Variants in OR6Y1 observed in about 807,000 individuals in gnomAD.
OR6Y1 encodes the protein olfactory receptor 6Y1.
Under a neutral mutation model 0.4 loss-of-function variants are expected in OR6Y1, and 1 was observed. That is an observed-to-expected ratio of 2.74 (90% CI 0.97 to 13.02). The LOEUF (loss-of-function observed/expected upper bound fraction) is 13.02. Among genes scored for constraint, OR6Y1 ranks in the 30% most tolerant of loss-of-function variants. OR6Y1 has a pLI of 0.12. For synonymous variants in OR6Y1, 173 were observed against 141.1 expected (o/e 1.23, Z -1.60); for missense variants, 480 against 399.8 (o/e 1.20, Z -1.71).
chr1:158,544,783 G>A lies in OR6Y1; in HGVS notation c.*2345C>T, dbSNP rs191620425. The A allele has an allele frequency of 1.3e-5, 2 of 152,198 alleles. No homozygotes were observed. Among genetic ancestry groups the A allele is most frequent in the Non-Finnish European group, 2.9e-5 (2 of 68,016 alleles). The allele number at this position is 152,198 out of a possible 1,614,324, so 9.4% of individuals were successfully genotyped here. A position where few individuals can be genotyped will look rare whatever the true frequency, so the allele number is the denominator to read the frequency against. On this transcript the variant is annotated 3_prime_UTR_variant, in exon 2 of 2. Transcript: ENST00000641622. ...CTCCTACTTACAAGTGAGAATATGT[G>A]GTATTTGGTTTTCTGTTCTTGCATT...
chr1:158,548,355 T>C lies in OR6Y1; in HGVS notation c.-250A>G. The C allele has an allele frequency of 4.8e-6, 2 of 417,974 alleles. No individual in the cohort carries two copies. The highest frequency in any genetic ancestry group is 8.5e-6 in the Non-Finnish European group (2 of 235,338). 25.9% of individuals were successfully genotyped at this position (417,974 alleles called of 1,614,324 possible). A position where few individuals can be genotyped will look rare whatever the true frequency, so the allele number is the denominator to read the frequency against. On this transcript the variant is annotated 5_prime_UTR_variant, in exon 2 of 2. Transcript: ENST00000641622. ...GTAACTTGTCCAAGGTCATACAAAA[T>C]AGAGTTTATAACTTTCTAAATCCCA... is the stretch of plus-strand genomic sequence containing the variant.
chr1:158,547,754 T>G lies in OR6Y1; in HGVS notation c.352A>C (p.Ile118Leu). 1 of 1,613,496 alleles carries G rather than the reference T, an allele frequency of 6.2e-7. No individual in the cohort carries two copies. The change falls in exon 2 of 2, where the codon ATC becomes CTC. Residue 118 changes from isoleucine to leucine, a missense_variant. Transcript: ENST00000641622. ...TCAAAGGCCATGATAGCAAGAAGGA[T>G]GTACTCAGTGCAGACAAAGGTCACA... ...FFVTFVCTEYILLAIMAFDRY... is the reference protein window; with the variant it reads ...FFVTFVCTEYLLLAIMAFDRY...
At position 158,550,489 on chromosome 1, in the gene OR6Y1, A is replaced by G. The variant is rs1647673345; in HGVS notation, c.-1432-952T>C. On this transcript the variant is annotated intron_variant, in intron 1 of 1. Transcript: ENST00000641622. ...GCTTTATCATTTGAGCATGGAATTT[A>G]GCTTTGAGGTCCCTAGCAGTCAAGC... Among the ~76,000 whole-genome samples the G allele has an allele frequency of 2.0e-5, 3 of 151,488 alleles. No homozygotes were observed. The South Asian group carries it at 6.2e-4, about 31-fold the overall frequency.
In OR6Y1 at chr1:158,554,349, T is replaced by C. The variant is rs2101711478; in HGVS notation, c.-1516A>G. ...CGCTGAGAAAAGAGAAGAAATCATG[T>C]AGACCAAGAGAAGAACAATGTACAT... is the stretch of plus-strand genomic sequence containing the variant. On this transcript the variant is annotated 5_prime_UTR_variant, in exon 1 of 2. Transcript: ENST00000641622. 6.6e-6 allele frequency: 1 copy of C among 152,358 alleles called. No individual in the cohort carries two copies. Among genetic ancestry groups the C allele is most frequent in the Admixed American group, 6.5e-5 (1 of 15,298 alleles). The allele number at this position is 152,358 out of a possible 1,614,324, so 9.4% of individuals were successfully genotyped here. A position where few individuals can be genotyped will look rare whatever the true frequency, so the allele number is the denominator to read the frequency against.
Position 158,547,977 on chromosome 1 carries a change from T to C in OR6Y1, c.129A>G (p.Thr43=), listed in dbSNP as rs745942814. The change falls in exon 2 of 2, where the codon ACA becomes ACG. Residue 43 remains threonine (T), a synonymous_variant. Transcript: ENST00000641622. ...AGATGATAAGAAGATTCTCCAGCAG[T>C]GTCAGCAGATAGGTTGCCAGGAAAA... ...FSIFLATYLL[T]LLENLLIILA... 5.4e-5 allele frequency: 87 copies of C among 1,613,360 alleles called. No homozygotes were observed. Among genetic ancestry groups the C allele is most frequent in the Non-Finnish European group, 7.1e-5 (84 of 1,179,986 alleles).
At chr1:158,552,914 C>T (rs1647738405) in intron 1 of OR6Y1, among the ~76,000 whole-genome samples, 1 of 152,118 alleles carries the variant, frequency 6.6e-6, no homozygotes, top group African/African-American at 2.4e-5. Flanking sequence ...AATCCAGCTC[C>T]TTTTTCCCAG....
Position 158,547,399 on chromosome 1 carries a change from G to A in OR6Y1, c.707C>T (p.Ala236Val). 1 of 1,613,622 alleles carries A rather than the reference G, an allele frequency of 6.2e-7. No individual in the cohort carries two copies. Among genetic ancestry groups the A allele is most frequent in the Non-Finnish European group, 8.5e-7 (1 of 1,180,004 alleles). The change falls in exon 2 of 2, where the codon GCT (alanine) becomes GTT (valine). Residue 236 changes from alanine (A) to valine (V), a missense_variant. Physicochemically the swap from Ala to Val is moderately conservative, Grantham distance 64. Coordinates refer to ENST00000641622, the MANE Select transcript of OR6Y1 (RefSeq NM_001005189.2). Reference protein sequence around the residue: ...ILATILRIPSAQGRQKAFSTC... With the variant: ...ILATILRIPSVQGRQKAFSTC... ...GGAGAATGCCTTTTGGCGGCCCTGA[G>A]CAGAAGGGATCCTGAGGATGGTGGC...
Position 158,547,159 on chromosome 1 carries a change from C to T in OR6Y1, c.947G>A (p.Gly316Glu). 1 of 1,613,126 alleles carries T rather than the reference C, an allele frequency of 6.2e-7. No individual in the cohort carries two copies. The highest frequency in any genetic ancestry group is 8.5e-7 in the Non-Finnish European group (1 of 1,179,860). ...ACTGAAAGCCCCATTTCCCTGGGGC[C>T]CACTTCCTCTGCAATGTATGGTCTT... is the stretch of plus-strand genomic sequence containing the variant. ...LRKTIHCRGS[G>E]PQGNGAFSS Residue 316 changes from glycine (G) to glutamate (E), a missense_variant, in exon 2 of 2, where the codon GGG becomes GAG. Gly to Glu is a moderately conservative substitution (Grantham distance 98, BLOSUM62 -2). Coordinates refer to ENST00000641622, the MANE Select transcript of OR6Y1 (RefSeq NM_001005189.2).
In OR6Y1 at chr1:158,548,116, G is replaced by A. The variant is rs1647605331; in HGVS notation, c.-11C>T. On this transcript the variant is annotated 5_prime_UTR_variant, in exon 2 of 2. Transcript: ENST00000641622. ...AATTATGGTGGTCATGACTGGCTGT[G>A]GGCACAGACAAAGTCAGTTCCTTCC... 3 of 1,605,604 alleles carry A rather than the reference G, an allele frequency of 1.9e-6. No individual in the cohort carries two copies.
intron 1 of OR6Y1, among the ~76,000 whole-genome samples, 182 bp downstream of exon 1, chr1:158,554,084 G>A (rs74124527): frequency 7.2e-5 from 11 of 152,108 alleles, no homozygotes; most frequent in East Asian, 1.9e-4. Flanking sequence ...GTATCACTAC[G>A]CATTATAGGC....
At position 158,549,009 on chromosome 1, in the gene OR6Y1, C is replaced by G. The variant is rs1372192156; in HGVS notation, c.-904G>C. On this transcript the variant is annotated 5_prime_UTR_variant, in exon 2 of 2. Transcript: ENST00000641622. ...CCTCCTCCTTTTAAAAAAACACACA[C>G]TCCACCCCACACAAAGTTTCCCCCA... 1 of 151,666 alleles carries G rather than the reference C, an allele frequency of 6.6e-6. No homozygotes were observed. The highest frequency in any genetic ancestry group is 1.5e-5 in the Non-Finnish European group (1 of 68,034). 9.4% of individuals were successfully genotyped at this position (151,666 alleles called of 1,614,324 possible). A position where few individuals can be genotyped will look rare whatever the true frequency, so the allele number is the denominator to read the frequency against.
rs1571329949 is a variant in OR6Y1 at position 158,548,348 on chromosome 1, T to A, written c.-243A>T. 2.2e-6 allele frequency: 1 copy of A among 449,562 alleles called. No homozygotes were observed. Among genetic ancestry groups the A allele is most frequent in the East Asian group, 3.8e-5 (1 of 26,216 alleles). The allele number at this position is 449,562 out of a possible 1,614,324, so 27.8% of individuals were successfully genotyped here. A position where few individuals can be genotyped will look rare whatever the true frequency, so the allele number is the denominator to read the frequency against. On this transcript the variant is annotated 5_prime_UTR_variant, in exon 2 of 2. An upstream start codon of the reference 5' UTR is lost. Transcript: ENST00000641622. ...AAGAGCAGTAACTTGTCCAAGGTCA[T>A]ACAAAATAGAGTTTATAACTTTCTA...
At chr1:158,553,691 T>G (rs1647760110) in intron 1 of OR6Y1, among the ~76,000 whole-genome samples, 1 of 152,156 alleles carries the variant, frequency 6.6e-6, no homozygotes, top group South Asian at 2.1e-4. Flanking sequence ...ATACCTATGT[T>G]CTACCCACCA....
rs561723916 is a variant in OR6Y1 at position 158,550,470 on chromosome 1, T to C, written c.-1432-933A>G. Among the ~76,000 whole-genome samples, 17 of 151,438 alleles carry C rather than the reference T, an allele frequency of 1.1e-4. No homozygotes were observed. In the South Asian group the frequency reaches 3.3e-3, roughly 30 times the overall value. ...AAGAACATCTGATTAAGCAGCTTTA[T>C]CATTTGAGCATGGAATTTAGCTTTG... On this transcript the variant is annotated intron_variant, in intron 1 of 1. Transcript: ENST00000641622.
In OR6Y1 at chr1:158,547,258, T is replaced by G; in HGVS notation, c.848A>C (p.Tyr283Ser). 1 of 1,613,650 alleles carries G rather than the reference T, an allele frequency of 6.2e-7. No individual in the cohort carries two copies. The highest frequency in any genetic ancestry group is 8.5e-7 in the Non-Finnish European group (1 of 1,179,984). Residue 283 changes from tyrosine (Y) to serine (S), a missense_variant, in exon 2 of 2, where the codon TAC (tyrosine) becomes TCC (serine). Transcript: ENST00000641622. ...YNSNKVVSVL[Y>S]TVIVPLLNPI... ...GTTGAGGAGTGGAACAATGACAGTG[T>G]AGAGAACAGATACCACTTTGTTGGA...
chr1:158,548,184 C>A lies in OR6Y1; in HGVS notation c.-79G>T. 4 of 1,410,270 alleles carry A rather than the reference C, an allele frequency of 2.8e-6. No homozygotes were observed. The highest frequency in any genetic ancestry group is 3.8e-6 in the Non-Finnish European group (4 of 1,046,926). 87.4% of individuals were successfully genotyped at this position (1,410,270 alleles called of 1,614,324 possible). On this transcript the variant is annotated 5_prime_UTR_variant, in exon 2 of 2. Transcript: ENST00000641622. ...CTATGGTTATTTGTATTGATAGAGC[C>A]CACCACCAGCAAATTTATCACAATA...
chr1:158,547,057 A>C lies in OR6Y1; in HGVS notation c.*71T>G, dbSNP rs1647556552. ...GTACTGGAGATTGGGGGATAACCAA[A>C]GACAAGACTGAGGGGGAAAGTGTGT... On this transcript the variant is annotated 3_prime_UTR_variant, in exon 2 of 2. Transcript: ENST00000641622. 4.1e-6 allele frequency: 6 copies of C among 1,475,782 alleles called. No individual in the cohort carries two copies. The Admixed American group carries it at 1.2e-4, about 29-fold the overall frequency. The allele number at this position is 1,475,782 out of a possible 1,614,324, so 91.4% of individuals were successfully genotyped here. A position where few individuals can be genotyped will look rare whatever the true frequency, so the allele number is the denominator to read the frequency against.
Position 158,547,141 on chromosome 1 carries a change from G to GC in OR6Y1, c.964dup (p.Ala322GlyfsTer4). On this transcript the variant is annotated frameshift_variant, in exon 2 of 2. Coordinates refer to ENST00000641622, the MANE Select transcript of OR6Y1 (RefSeq NM_001005189.2). LOFTEE classifies it high-confidence loss of function. ...TCTATACATTTTTTAACTACTGAAAGCCCCATTTCCCTGGGGCCCACTTCC... is the reference window on the plus strand; with the variant it reads ...TCTATACATTTTTTAACTACTGAAAGCCCCCATTTCCCTGGGGCCCACTTCC... 4 of 1,612,146 alleles carry GC rather than the reference G, an allele frequency of 2.5e-6. No individual in the cohort carries two copies. The highest frequency in any genetic ancestry group is 3.4e-6 in the Non-Finnish European group (4 of 1,179,548).
chr1:158,550,388 C>G (rs1429330374), intron 1 of OR6Y1, among the ~76,000 whole-genome samples: 4 of 151,276 alleles, frequency 2.6e-5, no homozygotes, highest in Admixed American at 6.6e-5. Context: ...CCAGATGAAG[C>G]TCCACAAAGT....
Sources: allele counts gnomAD v4.1 joint callset (sites outside exome capture counted in the v4.1 genomes callset), GRCh38; gene constraint gnomAD v4.1.1; transcripts MANE v1.5; gene names NCBI Gene and HGNC (gene_info 2026-07-23, HGNC 2026-07-21).